Variants in GAB2 observed in about 807,000 individuals in gnomAD.
GAB2 encodes the protein GRB2-associated-binding protein 2.
A neutral mutation model predicts 65.5 loss-of-function variants in GAB2; 26 were observed. The ratio of observed to expected loss-of-function variants is 0.40; its 90% CI spans 0.29 to 0.55. The LOEUF (loss-of-function observed/expected upper bound fraction) is 0.55, where lower values mean the gene tolerates loss of function less well. GAB2 is among the 20% of genes least tolerant of loss of function. The pLI is 0.53. For synonymous variants in GAB2, 321 were observed against 329.6 expected (o/e 0.97, Z 0.28); for missense variants, 884 against 875.8 (o/e 1.01, Z -0.12).
At chr11:78,230,200 G>T (rs1864800712) in intron 3 of GAB2, among the ~76,000 whole-genome samples, 1 of 152,154 alleles carries the variant, frequency 6.6e-6, no homozygotes, top group African/African-American at 2.4e-5. Context: ...CCTGGGCTTG[G>T]CCCAAACCTT....
intron 1 of GAB2, among the ~76,000 whole-genome samples, chr11:78,283,805 T>C (rs1173041008): frequency 6.6e-6 from 1 of 152,146 alleles, no homozygotes; most frequent in Non-Finnish European, 1.5e-5. Context: ...GGCCTCTCTT[T>C]TTCAGTCTCC....
chr11:78,331,784 G>T (rs1855919175), intron 1 of GAB2, among the ~76,000 whole-genome samples: 1 of 152,066 alleles, frequency 6.6e-6, no homozygotes, highest in Non-Finnish European at 1.5e-5. Context: ...TAGACCAAGG[G>T]GATTGGAAAA....
intron 2 of GAB2, among the ~76,000 whole-genome samples, chr11:78,277,971 G>A (rs569773884): frequency 2.0e-5 from 3 of 151,964 alleles, no homozygotes; most frequent in Non-Finnish European, 2.9e-5. Flanking sequence ...GAGGAGGCAA[G>A]AATTGAGGTT....
chr11:78,417,018 G>T (rs1425564141), intron 1 of GAB2, among the ~76,000 whole-genome samples: 2 of 140,008 alleles, frequency 1.4e-5, no homozygotes, highest in East Asian at 4.8e-4. Flanking sequence ...GTCACACCGG[G>T]GTCGGGGGGA....
rs59935010 is a variant in GAB2 at position 78,400,367 on chromosome 11, G to A, written c.75+17279C>T. Among the ~76,000 whole-genome samples the A allele has an allele frequency of 5.3e-3, 808 of 152,268 alleles. 6 individuals are homozygous for A. The highest frequency in any genetic ancestry group is 0.019 in the African/African-American group (778 of 41,546). On this transcript the variant is annotated intron_variant, in intron 1 of 9. Transcript: ENST00000361507. ...TAACTCCATATAAGGGCATCATTCT[G>A]TTTCACATGTAGACTTCTAGTCTTT...
At chr11:78,230,712 T>C (rs1046985442) in intron 3 of GAB2, among the ~76,000 whole-genome samples, 2 of 151,982 alleles carry the variant, frequency 1.3e-5, no homozygotes, top group Admixed American at 1.3e-4. Context: ...GTAAGAGGAG[T>C]TGAACAAGGG....
chr11:78,345,626 A>T (rs763347278), intron 1 of GAB2, among the ~76,000 whole-genome samples: 2 of 152,202 alleles, frequency 1.3e-5, no homozygotes, highest in African/African-American at 2.4e-5. Flanking sequence ...TAGTCAAGGG[A>T]GAGGCTTCTT....
At chr11:78,266,628 G>C (rs1865883934) in intron 2 of GAB2, among the ~76,000 whole-genome samples, 1 of 152,136 alleles carries the variant, frequency 6.6e-6, no homozygotes, top group Non-Finnish European at 1.5e-5. Context: ...TTATATCTTG[G>C]CACGGAGCCA....
chr11:78,417,640 ACT>A lies in GAB2; in HGVS notation c.75+4_75+5del. ...CCCGCCCCTGGGCGGCCGCGCCCGC[ACT>A]CACATAGCGCCTCAACTTCTTCTCG... On this transcript the variant is annotated splice_donor_5th_base_variant and intron_variant, in intron 1 of 9. Coordinates refer to ENST00000361507, the MANE Select transcript of GAB2 (RefSeq NM_080491.3). The A allele has an allele frequency of 7.5e-7, 1 of 1,337,264 alleles. No homozygotes were observed. The highest frequency in any genetic ancestry group is 9.8e-7 in the Non-Finnish European group (1 of 1,018,930). The allele number at this position is 1,337,264 out of a possible 1,614,324, so 82.8% of individuals were successfully genotyped here. A position where few individuals can be genotyped will look rare whatever the true frequency, so the allele number is the denominator to read the frequency against.
chr11:78,301,266 A>G (rs1867010116), intron 1 of GAB2, among the ~76,000 whole-genome samples: 1 of 152,066 alleles, frequency 6.6e-6, no homozygotes, highest in African/African-American at 2.4e-5. Flanking sequence ...TTTGGAATTT[A>G]AATTATTATT....
intron 3 of GAB2, among the ~76,000 whole-genome samples, chr11:78,233,518 TCTTA>T (rs1237699515): frequency 1.3e-5 from 2 of 152,252 alleles, no homozygotes; most frequent in African/African-American, 2.4e-5. Flanking sequence ...ATTGCTCTCT[TCTTA>T]CTGAGTTGTA....
chr11:78,387,265 C>T (rs1856779927), intron 1 of GAB2, among the ~76,000 whole-genome samples: 1 of 152,178 alleles, frequency 6.6e-6, no homozygotes, highest in African/African-American at 2.4e-5. Flanking sequence ...CCAACTACTC[C>T]TTATCTGGCA....
rs1056325845 is a variant in GAB2 at position 78,298,300 on chromosome 11, A to G, written c.76-17399T>C. Reference sequence around the variant, plus strand: ...GGAGATACCGGAGAAGGAAGAATAAAGACTTCAAGATTTCCAGCTTGAGCA... The same window carrying G: ...GGAGATACCGGAGAAGGAAGAATAAGGACTTCAAGATTTCCAGCTTGAGCA... On this transcript the variant is annotated intron_variant, in intron 1 of 9. Transcript: ENST00000361507. 2.6e-5 allele frequency among the ~76,000 whole-genome samples: 4 copies of G among 152,216 alleles called. No individual in the cohort carries two copies. The East Asian group carries it at 5.8e-4, about 22-fold the overall frequency.
intron 1 of GAB2, among the ~76,000 whole-genome samples, chr11:78,356,929 T>G (rs1366703246): frequency 6.6e-6 from 1 of 152,240 alleles, no homozygotes; most frequent in Non-Finnish European, 1.5e-5. Flanking sequence ...CCCATTTATA[T>G]AACATACCTA....
Position 78,223,647 on chromosome 11 carries a change from G to A in GAB2, c.1332C>T (p.Asp444=). 1.2e-6 allele frequency: 2 copies of A among 1,608,690 alleles called. No homozygotes were observed. Among genetic ancestry groups the A allele is most frequent in the Non-Finnish European group, 1.7e-6 (2 of 1,177,332 alleles). The change falls in exon 6 of 10, where the codon GAC becomes GAT. Residue 444 remains aspartate (D), a synonymous_variant. Coordinates refer to ENST00000361507, the MANE Select transcript of GAB2 (RefSeq NM_080491.3). ...LPGKMIVGRS[D]STNSEDNYVP... ...CATAGTTGTCTTCAGAATTGGTGCTGTCCGATCGGCCCACAATCATTTTCC... is the reference window on the plus strand; with the variant it reads ...CATAGTTGTCTTCAGAATTGGTGCTATCCGATCGGCCCACAATCATTTTCC...
chr11:78,233,808 T>C (rs1031629843), intron 3 of GAB2, among the ~76,000 whole-genome samples: 1 of 152,170 alleles, frequency 6.6e-6, no homozygotes, highest in South Asian at 2.1e-4. Context: ...AGCATGGGGC[T>C]TCACCATATT....
intron 9 of GAB2, 75 bp downstream of exon 9, chr11:78,220,244 G>T: frequency 6.5e-7 from 1 of 1,527,438 alleles, no homozygotes; most frequent in Non-Finnish European, 9.0e-7. Context: ...AGTGTTGAAG[G>T]CACCCTGGCC....
chr11:78,314,604 A>G (rs1333076701), intron 1 of GAB2, among the ~76,000 whole-genome samples: 1 of 152,256 alleles, frequency 6.6e-6, no homozygotes. Flanking sequence ...GGTTACAAGT[A>G]TAACATGTTA....
intron 2 of GAB2, among the ~76,000 whole-genome samples, chr11:78,267,825 T>A (rs954025606): frequency 2.6e-5 from 3 of 115,404 alleles, no homozygotes; most frequent in African/African-American, 1.1e-4. Flanking sequence ...ACCACTGCAC[T>A]CCAGCCTGGG....
Sources: allele counts gnomAD v4.1 joint callset (sites outside exome capture counted in the v4.1 genomes callset), GRCh38; gene constraint gnomAD v4.1.1; transcripts MANE v1.5; gene names NCBI Gene and HGNC (gene_info 2026-07-23, HGNC 2026-07-21).